The following PDE3A variants were observed in gnomAD, a reference collection of about 807,000 sequenced individuals.
The protein encoded by PDE3A is cGMP-inhibited 3',5'-cyclic phosphodiesterase 3A.
A neutral mutation model predicts 98.3 loss-of-function variants in PDE3A; 43 were observed. That is an observed-to-expected ratio of 0.44 (90% CI 0.34 to 0.56). The LOEUF is 0.56. Among genes scored for constraint, PDE3A ranks in the 20% least tolerant of loss-of-function variants. The probability of loss-of-function intolerance (pLI) is 0.01; values close to 1 mark genes in which losing one functional copy is unlikely to be tolerated. For synonymous variants in PDE3A, 663 were observed against 567.9 expected (o/e 1.17, Z -2.38); for missense variants, 1,427 against 1,440.7 (o/e 0.99, Z 0.15).
At chr12:20,386,251 A>AATTATATTAATATATTATATTAT (rs1943800600) in intron 1 of PDE3A, among the ~76,000 whole-genome samples, 1 of 132,490 alleles carries the variant, frequency 7.5e-6, no homozygotes, top group African/African-American at 2.9e-5. Flanking sequence ...TAAATATATT[A>AATTATATTAATATATTATATTAT]ATTATATTAA....
intron 1 of PDE3A, among the ~76,000 whole-genome samples, chr12:20,423,146 A>G (rs1208885699): frequency 6.6e-6 from 1 of 152,188 alleles, no homozygotes; most frequent in Non-Finnish European, 1.5e-5. Flanking sequence ...TATATAAAAC[A>G]TTTTAATGAA....
At chr12:20,553,672 C>G (rs979983713) in intron 1 of PDE3A, among the ~76,000 whole-genome samples, 36 of 152,128 alleles carry the variant, frequency 2.4e-4, no homozygotes, top group Non-Finnish European at 4.7e-4. Context: ...GTTGGGGCCA[C>G]GCAGAAATGG....
chr12:20,632,941 T>C (rs1944414663), intron 6 of PDE3A, among the ~76,000 whole-genome samples: 1 of 141,680 alleles, frequency 7.1e-6, no homozygotes, highest in Non-Finnish European at 1.5e-5. Flanking sequence ...ATAAATCTAA[T>C]AATGAGGCTT....
chr12:20,531,200 T>C (rs184535110), intron 1 of PDE3A, among the ~76,000 whole-genome samples: 9 of 152,208 alleles, frequency 5.9e-5, no homozygotes, highest in African/African-American at 2.2e-4. Context: ...AAGCTGGTTA[T>C]GTTAAAAACA....
Position 20,646,794 on chromosome 12 carries a change from C to T in PDE3A, c.2409C>T (p.Phe803=). 1.9e-6 allele frequency: 3 copies of T among 1,611,064 alleles called. No individual in the cohort carries two copies. Among genetic ancestry groups the T allele is most frequent in the Non-Finnish European group, 2.5e-6 (3 of 1,177,318 alleles). Residue 803 remains phenylalanine (F), a synonymous_variant, in exon 12 of 16, where the codon TTC becomes TTT. Coordinates refer to ENST00000359062, the MANE Select transcript of PDE3A (RefSeq NM_000921.5). ...GFTHGHMGYV[F]SKTYNVTDDK... ...CACATGGACATATGGGATATGTATT[C>T]TCAAAAACGTATAATGTGACAGATG...
chr12:20,557,793 C>A (rs1185455986), intron 2 of PDE3A, among the ~76,000 whole-genome samples: 1 of 152,058 alleles, frequency 6.6e-6, no homozygotes, highest in Non-Finnish European at 1.5e-5. Context: ...AAATTAGGAT[C>A]ATCTAAAAGA....
intron 2 of PDE3A, among the ~76,000 whole-genome samples, chr12:20,598,454 C>T (rs1405855626): frequency 1.3e-5 from 2 of 152,102 alleles, no homozygotes; most frequent in Non-Finnish European, 1.5e-5. Flanking sequence ...ACTGGGATTA[C>T]AGGCGTGAGC....
At chr12:20,444,123 A>G (rs1211029249) in intron 1 of PDE3A, among the ~76,000 whole-genome samples, 1 of 152,154 alleles carries the variant, frequency 6.6e-6, no homozygotes, top group East Asian at 1.9e-4. Context: ...TAAAGATGAT[A>G]CAGCATGCCA....
chr12:20,681,046 G>A lies in PDE3A; in HGVS notation c.*775G>A, dbSNP rs1201869210. On this transcript the variant is annotated 3_prime_UTR_variant, in exon 16 of 16. Transcript: ENST00000359062. ...TCTTTGGGAGGCAGCCATTCCAAAT[G>A]CCCTCCTCCATTTAGCTTCAATAAA... is the stretch of plus-strand genomic sequence containing the variant. 1 of 152,060 alleles carries A rather than the reference G, an allele frequency of 6.6e-6. No individual in the cohort carries two copies. Among genetic ancestry groups the A allele is most frequent in the East Asian group, 1.9e-4 (1 of 5,176 alleles). The allele number at this position is 152,060 out of a possible 1,614,324, so 9.4% of individuals were successfully genotyped here.
chr12:20,445,963 C>A (rs916633763), intron 1 of PDE3A, among the ~76,000 whole-genome samples: 2 of 152,136 alleles, frequency 1.3e-5, no homozygotes, highest in Non-Finnish European at 2.9e-5. Context: ...CACCTCAGAG[C>A]CGTGCCTTTG....
intron 1 of PDE3A, among the ~76,000 whole-genome samples, chr12:20,414,693 C>T (rs1290245286): frequency 1.3e-5 from 2 of 152,106 alleles, no homozygotes; most frequent in East Asian, 1.9e-4. Context: ...ATGAATCAAA[C>T]GGGTTTCTGA....
Position 20,556,719 on chromosome 12 carries a change from C to G in PDE3A, c.1011+9C>G, listed in dbSNP as rs763286743. On this transcript the variant is annotated intron_variant, in intron 2 of 15. Transcript: ENST00000359062. ...GGCCAAGAGGATCACAGGTAAGTTT[C>G]TTTTCCTTTTCTTTTTCACGTTTCG... 6.3e-7 allele frequency: 1 copy of G among 1,599,962 alleles called. No individual in the cohort carries two copies. The highest frequency in any genetic ancestry group is 8.6e-7 in the Non-Finnish European group (1 of 1,167,420).
intron 2 of PDE3A, among the ~76,000 whole-genome samples, chr12:20,604,395 T>C (rs1183850221): frequency 6.6e-6 from 1 of 152,150 alleles, no homozygotes; most frequent in Non-Finnish European, 1.5e-5. Flanking sequence ...AACTTTCTCT[T>C]ATATCCCAAC....
chr12:20,522,031 A>G (rs760360745), intron 1 of PDE3A, among the ~76,000 whole-genome samples: 2 of 151,958 alleles, frequency 1.3e-5, no homozygotes, highest in African/African-American at 2.4e-5. Context: ...CCCATGTTCC[A>G]TGGGATGGGA....
chr12:20,610,889 CA>C (rs1943831572), intron 2 of PDE3A, among the ~76,000 whole-genome samples: 2 of 151,966 alleles, frequency 1.3e-5, no homozygotes, highest in African/African-American at 4.8e-5. Context: ...TGGGCAGAGT[CA>C]GGGGAAGGGT....
intron 15 of PDE3A, among the ~76,000 whole-genome samples, chr12:20,669,554 TAAAG>T (rs1945413850): frequency 6.6e-6 from 1 of 151,984 alleles, no homozygotes; most frequent in Non-Finnish European, 1.5e-5. Context: ...TCAACATTCT[TAAAG>T]AAAAGAATTT....
chr12:20,425,276 G>A (rs1944584890), intron 1 of PDE3A, among the ~76,000 whole-genome samples: 1 of 152,098 alleles, frequency 6.6e-6, no homozygotes, highest in Non-Finnish European at 1.5e-5. Flanking sequence ...TCCACCGGCA[G>A]ATGGGTGCTA....
chr12:20,596,944 A>C (rs1383661536), intron 2 of PDE3A, among the ~76,000 whole-genome samples: 1 of 152,200 alleles, frequency 6.6e-6, no homozygotes, highest in Non-Finnish European at 1.5e-5. Context: ...ATGACTGTAC[A>C]TAGGAACGGT....
intron 2 of PDE3A, among the ~76,000 whole-genome samples, chr12:20,584,836 C>T (rs1943152712): frequency 6.6e-6 from 1 of 152,030 alleles, no homozygotes; most frequent in Admixed American, 6.6e-5. Flanking sequence ...CTTTCCTTCC[C>T]CTTAAAGCAA....
Sources: gnomAD v4.1 joint callset for allele counts (sites outside exome capture counted in the v4.1 genomes callset) on GRCh38, gnomAD v4.1.1 for gene constraint, MANE v1.5 for transcripts, NCBI Gene and HGNC (gene_info 2026-07-23, HGNC 2026-07-21) for gene names.